Variants in AHI1 observed in about 807,000 individuals in gnomAD.
AHI1 encodes Abelson helper integration site 1.
A neutral mutation model predicts 149.3 loss-of-function variants in AHI1; 123 were observed. The ratio of observed to expected loss-of-function variants is 0.82; its 90% CI spans 0.71 to 0.96. AHI1 has a LOEUF of 0.96. AHI1 is among the 40% of genes least tolerant of loss of function. The pLI, the probability that AHI1 is intolerant of heterozygous loss-of-function variation, is 0.00. For missense variants in AHI1, 1,439 were observed against 1,422.7 expected (o/e 1.01, Z -0.18); for synonymous variants, 475 against 459.8 (o/e 1.03, Z -0.42).
intron 5 of AHI1, among the ~76,000 whole-genome samples, chr6:135,471,572 C>T (rs543455204): frequency 6.6e-6 from 1 of 152,154 alleles, no homozygotes; most frequent in South Asian, 2.1e-4. Context: ...TTTCATGGAT[C>T]AAATTATGTT....
At chr6:135,453,689 A>G (rs539872681) in intron 10 of AHI1, among the ~76,000 whole-genome samples, 1 of 152,258 alleles carries the variant, frequency 6.6e-6, no homozygotes, top group South Asian at 2.1e-4. Context: ...AGTGTTAATC[A>G]CCTCAAATAT....
rs186804674 is a variant in AHI1, at chr6:135,350,720, G to A, written c.3165+7412C>T. Among the ~76,000 whole-genome samples the A allele has an allele frequency of 2.8e-3, 422 of 152,286 alleles. 3 individuals are homozygous for A. Among genetic ancestry groups the A allele is most frequent in the Non-Finnish European group, 3.0e-3 (202 of 68,018 alleles). On this transcript the variant is annotated intron_variant, in intron 24 of 28. Coordinates refer to ENST00000265602, the MANE Select transcript of AHI1 (RefSeq NM_001134831.2). ...GAAAAGGCCTATTATGCAAAAGGTT[G>A]TGTATATTCAGGGGCAGAGAGATCA...
intron 2 of AHI1, among the ~76,000 whole-genome samples, chr6:135,496,464 G>C (rs974225204): frequency 6.6e-6 from 1 of 152,044 alleles, no homozygotes; most frequent in African/African-American, 2.4e-5. Context: ...TAGAATTAAC[G>C]GCTAATATTT....
At chr6:135,376,093 T>C (rs964585601) in intron 23 of AHI1, among the ~76,000 whole-genome samples, 1 of 69,738 alleles carries the variant, frequency 1.4e-5, no homozygotes, top group African/African-American at 5.5e-5. Flanking sequence ...AAGACAGGAA[T>C]GGGGGGCGGG....
intron 12 of AHI1, among the ~76,000 whole-genome samples, chr6:135,447,426 T>C (rs1787416028): frequency 6.6e-6 from 1 of 152,202 alleles, no homozygotes; most frequent in African/African-American, 2.4e-5. Context: ...AATAACTCTA[T>C]CCTTTGTTTC....
intron 23 of AHI1, among the ~76,000 whole-genome samples, chr6:135,383,390 C>G (rs994437183): frequency 1.3e-5 from 2 of 151,634 alleles, no homozygotes; most frequent in Non-Finnish European, 2.9e-5. Context: ...TGCCACCACT[C>G]CTGGATAATT....
In AHI1 at chr6:135,285,581, T is replaced by C. The variant is rs1253646768; in HGVS notation, c.*64A>G. On this transcript the variant is annotated 3_prime_UTR_variant, in exon 29 of 29. Coordinates refer to ENST00000265602, the MANE Select transcript of AHI1 (RefSeq NM_001134831.2). ...GAAAATTCTGAACTCTGAAGAGAAA[T>C]TCCATTTGGTTTGTCATTTTCACCT... The C allele has an allele frequency of 1.3e-6, 2 of 1,561,408 alleles. No individual in the cohort carries two copies. Among genetic ancestry groups the C allele is most frequent in the Admixed American group, 3.4e-5 (2 of 58,338 alleles).
chr6:135,465,882 A>G lies in AHI1; in HGVS notation c.681T>C (p.Asp227=), dbSNP rs368391682. The change falls in exon 7 of 29, where the codon GAT becomes GAC. Residue 227 remains aspartate (D), a synonymous_variant. Transcript: ENST00000265602. ...TYFPSDTLFH[D]DKLSSEKRKK... ...TCCTTTTTTCACTGCTTAGTTTGTC[A>G]TCATGGAATAAAGTATCTGAGGGAA... The G allele has an allele frequency of 8.4e-6, 13 of 1,545,446 alleles. No homozygotes were observed. Among genetic ancestry groups the G allele is most frequent in the Non-Finnish European group, 9.6e-6 (11 of 1,150,272 alleles).
At chr6:135,391,760 A>C (rs547562882) in intron 23 of AHI1, among the ~76,000 whole-genome samples, 1 of 152,332 alleles carries the variant, frequency 6.6e-6, no homozygotes, top group Admixed American at 6.5e-5. Flanking sequence ...GCACAGTAAG[A>C]AAGACTTTAT....
intron 13 of AHI1, among the ~76,000 whole-genome samples, chr6:135,443,978 G>A (rs940720155): frequency 2.0e-5 from 3 of 152,168 alleles, no homozygotes; most frequent in African/African-American, 7.2e-5. Context: ...CACCTAGGCT[G>A]AAAATGAAAA....
Position 135,490,709 on chromosome 6 carries a change from C to T in AHI1, c.49G>A (p.Glu17Lys), listed in dbSNP as rs769488791. Residue 17 changes from glutamate to lysine, a missense_variant, in exon 5 of 29, where the codon GAA (glutamate) becomes AAA (lysine). Physicochemically the swap from Glu to Lys is moderately conservative, Grantham distance 56. Coordinates refer to ENST00000265602, the MANE Select transcript of AHI1 (RefSeq NM_001134831.2). The part of the protein sequence containing the change: ...EAKVKTKVRF[E>K]ELLKTHSDLM... ...TCACTGTGGGTCTTAAGCAATTCTT[C>T]AAAGCGAACTTTGGTTTTTACTTTT... is the stretch of plus-strand genomic sequence containing the variant. 1 of 1,613,044 alleles carries T rather than the reference C, an allele frequency of 6.2e-7. No homozygotes were observed. The highest frequency in any genetic ancestry group is 8.5e-7 in the Non-Finnish European group (1 of 1,179,524).
At chr6:135,418,426 T>C (rs1245575375) in intron 20 of AHI1, among the ~76,000 whole-genome samples, 3 of 152,136 alleles carry the variant, frequency 2.0e-5, no homozygotes, top group African/African-American at 7.2e-5. Context: ...TCTTAAAATG[T>C]TTTTATGATG....
intron 14 of AHI1, among the ~76,000 whole-genome samples, chr6:135,440,710 G>A (rs1331764178): frequency 6.6e-6 from 1 of 152,074 alleles, no homozygotes; most frequent in Non-Finnish European, 1.5e-5. Context: ...TAACCACAAC[G>A]GTGGTCTCTG....
chr6:135,402,852 T>C (rs1780215749), intron 22 of AHI1, among the ~76,000 whole-genome samples: 1 of 152,188 alleles, frequency 6.6e-6, no homozygotes, highest in African/African-American at 2.4e-5. Flanking sequence ...CTGTTTACAT[T>C]ATCAGTAAGG....
chr6:135,455,883 A>T lies in AHI1; in HGVS notation c.1195T>A (p.Tyr399Asn). The T allele has an allele frequency of 6.4e-7, 1 of 1,559,228 alleles. No individual in the cohort carries two copies. The highest frequency in any genetic ancestry group is 8.7e-7 in the Non-Finnish European group (1 of 1,145,244). Residue 399 changes from tyrosine to asparagine, a missense_variant, in exon 10 of 29, where the codon TAT (tyrosine) becomes AAT (asparagine). Physicochemically the swap from Tyr to Asn is moderately radical, Grantham distance 143. Transcript: ENST00000265602. ...SSYYEKENVD[Y>N]ILPIMTQPYD... ...GGCTGGGTCATAATAGGAAGAATAT[A>T]ATCCACATTCTCTTTTTCATAGTAA...
At chr6:135,333,178 A>G (rs1217023858) in intron 24 of AHI1, among the ~76,000 whole-genome samples, 1 of 152,240 alleles carries the variant, frequency 6.6e-6, no homozygotes, top group African/African-American at 2.4e-5. Context: ...ATAAAGTAAT[A>G]TTTTAGTAAT....
chr6:135,496,944 C>T (rs1796044336), intron 2 of AHI1, among the ~76,000 whole-genome samples: 1 of 152,178 alleles, frequency 6.6e-6, no homozygotes, highest in Admixed American at 6.5e-5. Flanking sequence ...AAGCAATCTT[C>T]CTCCTAACGC....
At chr6:135,398,884 T>C (rs1243387326) in intron 22 of AHI1, among the ~76,000 whole-genome samples, 3 of 152,142 alleles carry the variant, frequency 2.0e-5, no homozygotes, top group Non-Finnish European at 4.4e-5. Context: ...CTTAAAGCTC[T>C]TCCAAATTCT....
chr6:135,293,119 T>C (rs1307134305), intron 27 of AHI1, among the ~76,000 whole-genome samples: 9 of 152,106 alleles, frequency 5.9e-5, no homozygotes, highest in Non-Finnish European at 1.0e-4. Context: ...TAACTCACCA[T>C]ATTAAGAAAT....
Sources: gnomAD v4.1 joint callset for allele counts (sites outside exome capture counted in the v4.1 genomes callset) on GRCh38, gnomAD v4.1.1 for gene constraint, MANE v1.5 for transcripts, NCBI Gene and HGNC (gene_info 2026-07-23, HGNC 2026-07-21) for gene names.